Variants in KCNQ1OT1 observed in about 807,000 individuals in gnomAD.
The protein encoded by KCNQ1OT1 is KCNQ1 antisense RNA 2 (non-protein coding).
At chr11:2,641,405 A>T (rs1240993694) in exon 1 of KCNQ1OT1, 10 of 396,548 alleles carry the variant, frequency 2.5e-5, no homozygotes, top group Admixed American at 8.9e-5. Context: ...TTTTTTTTTT[A>T]AATATACCTG....
rs1850261996 is a variant in KCNQ1OT1, at chr11:2,674,803, A to AT, written n.25191_25192insA. 2.5e-6 allele frequency: 1 copy of AT among 396,158 alleles called. No homozygotes were observed. The highest frequency in any genetic ancestry group is 4.5e-5 in the Admixed American group (1 of 22,408). 24.5% of individuals were successfully genotyped at this position (396,158 alleles called of 1,614,324 possible). ...ACTCTCGCCAACTGCTGGCCTTTGG[A>AT]AAGGCTTGTCACCCTAATAGCTGTT... is the stretch of plus-strand genomic sequence containing the variant. On this transcript the variant is annotated non_coding_transcript_exon_variant, in exon 1 of 1. Transcript: ENST00000597346. This position sits in a 1 kb window ranked among gnomAD's most constrained non-coding sequence, Gnocchi z 5.9.
chr11:2,621,176 C>T lies in KCNQ1OT1; in HGVS notation n.78819G>A. 2.5e-6 allele frequency: 1 copy of T among 397,430 alleles called. No homozygotes were observed. The allele number at this position is 397,430 out of a possible 1,614,324, so 24.6% of individuals were successfully genotyped here. On this transcript the variant is annotated non_coding_transcript_exon_variant, in exon 1 of 1. Coordinates refer to ENST00000597346, the Ensembl canonical transcript of KCNQ1OT1. This position sits in a 1 kb window ranked among gnomAD's most constrained non-coding sequence, Gnocchi z 5.7. ...TGTTTTTAGTAGAGACGGGGTTTCA[C>T]CATGTTGGCCAGGATGGTCTCGAAT...
In KCNQ1OT1 at chr11:2,677,443, G is replaced by A; in HGVS notation, n.22552C>T. ...GACAGCAGGGGAGATGATAATTGAT[G>A]CAGGTGGCCTCTTGGTCAAGCAGTG... On this transcript the variant is annotated non_coding_transcript_exon_variant, in exon 1 of 1. Transcript: ENST00000597346. This position sits in a 1 kb window ranked among gnomAD's most constrained non-coding sequence, Gnocchi z 4.5. The A allele has an allele frequency of 2.5e-6, 1 of 398,532 alleles. No individual in the cohort carries two copies. Among genetic ancestry groups the A allele is most frequent in the Non-Finnish European group, 4.4e-6 (1 of 226,038 alleles). The allele number at this position is 398,532 out of a possible 1,614,324, so 24.7% of individuals were successfully genotyped here.
exon 1 of KCNQ1OT1, chr11:2,693,589 A>T: frequency 2.5e-6 from 1 of 398,648 alleles, no homozygotes; most frequent in Non-Finnish European, 4.4e-6. Context: ...TCCATAAATG[A>T]GGCCACATTT....
In KCNQ1OT1 at chr11:2,651,785, G is replaced by A. The variant is rs1203710617; in HGVS notation, n.48210C>T. The A allele has an allele frequency of 2.8e-5, 11 of 398,434 alleles. No individual in the cohort carries two copies. The highest frequency in any genetic ancestry group is 4.0e-5 in the Non-Finnish European group (9 of 226,080). 24.7% of individuals were successfully genotyped at this position (398,434 alleles called of 1,614,324 possible). On this transcript the variant is annotated non_coding_transcript_exon_variant, in exon 1 of 1. Coordinates refer to ENST00000597346, the Ensembl canonical transcript of KCNQ1OT1. The surrounding 1 kb of genome is among the most constrained non-coding windows in gnomAD (Gnocchi z 6.1). ...TCAAGTGTTGACCATTTTGATTCCT[G>A]GGCCCCTTAAGAGTCCATTAGCATT...
chr11:2,616,437 T>C (rs1325632530), exon 1 of KCNQ1OT1: 2 of 397,892 alleles, frequency 5.0e-6, no homozygotes, highest in Non-Finnish European at 8.9e-6. Flanking sequence ...CTTTTAACTT[T>C]AGGTTTACTT....
rs529215467 is a variant in KCNQ1OT1 at position 2,659,368 on chromosome 11, C to A, written n.40627G>T. On this transcript the variant is annotated non_coding_transcript_exon_variant, in exon 1 of 1. Transcript: ENST00000597346. The surrounding 1 kb of genome is among the most constrained non-coding windows in gnomAD (Gnocchi z 4.3). ...GGATCCTATAATATGTATTCTTTTG[C>A]ATCTGGCTTCTTTCACTGCTTAGCA... 8.0e-5 allele frequency: 32 copies of A among 398,616 alleles called. No homozygotes were observed. The highest frequency in any genetic ancestry group is 5.5e-4 in the African/African-American group (27 of 48,768). The allele number at this position is 398,616 out of a possible 1,614,324, so 24.7% of individuals were successfully genotyped here.
At chr11:2,684,321 C>T in exon 1 of KCNQ1OT1, 2 of 398,634 alleles carry the variant, frequency 5.0e-6, no homozygotes, top group Non-Finnish European at 8.8e-6. Flanking sequence ...CAGTCTCTCT[C>T]CTGAGGTGGC....
In KCNQ1OT1 at chr11:2,659,142, CTT is replaced by C. The variant is rs1195402516; in HGVS notation, n.40851_40852del. Reference sequence around the variant, plus strand: ...AAATTTGCATACAGTAAAATCCACTCTTTGAGATTCAGTTCTGTGGGTTTTGA... The same window carrying C: ...AAATTTGCATACAGTAAAATCCACTCTGAGATTCAGTTCTGTGGGTTTTGA... On this transcript the variant is annotated non_coding_transcript_exon_variant, in exon 1 of 1. Transcript: ENST00000597346. The surrounding 1 kb of genome is among the most constrained non-coding windows in gnomAD (Gnocchi z 4.3). The C allele has an allele frequency of 2.5e-6, 1 of 398,616 alleles. No homozygotes were observed. The highest frequency in any genetic ancestry group is 4.4e-6 in the Non-Finnish European group (1 of 226,064). 24.7% of individuals were successfully genotyped at this position (398,616 alleles called of 1,614,324 possible).
exon 1 of KCNQ1OT1, chr11:2,629,641 A>G: frequency 2.5e-6 from 1 of 398,520 alleles, no homozygotes. Flanking sequence ...ATGCGTTCAT[A>G]TATGAAAGGA....
chr11:2,681,503 A>C, exon 1 of KCNQ1OT1: 1 of 398,508 alleles, frequency 2.5e-6, no homozygotes, highest in East Asian at 3.6e-5. Context: ...TAGTAAAGTC[A>C]AACTGGTCCA....
chr11:2,675,450 G>GA (rs1850276876), exon 1 of KCNQ1OT1: 1 of 398,482 alleles, frequency 2.5e-6, no homozygotes, highest in African/African-American at 2.1e-5. Context: ...AAGATGATCT[G>GA]AAAATGGAAA....
exon 1 of KCNQ1OT1, chr11:2,660,125 G>A (rs1321831022): frequency 2.5e-6 from 1 of 398,200 alleles, no homozygotes; most frequent in Non-Finnish European, 4.4e-6. Flanking sequence ...CCAAATCCAA[G>A]GTCCTGGAGA....
chr11:2,640,601 G>A (rs1029855296), exon 1 of KCNQ1OT1: 3 of 396,148 alleles, frequency 7.6e-6, no homozygotes, highest in Non-Finnish European at 8.9e-6. Flanking sequence ...ATACTTATGG[G>A]GTACATGTGC....
In KCNQ1OT1 at chr11:2,612,040, A is replaced by C. The variant is rs1007490096; in HGVS notation, n.87955T>G. The C allele has an allele frequency of 1.5e-5, 6 of 398,476 alleles. No homozygotes were observed. The highest frequency in any genetic ancestry group is 2.2e-5 in the Non-Finnish European group (5 of 226,064). 24.7% of individuals were successfully genotyped at this position (398,476 alleles called of 1,614,324 possible). ...AATTCCACATATGTTTTCTACTCTT[A>C]ATTACATATATGTTACAACTTAATT... On this transcript the variant is annotated non_coding_transcript_exon_variant, in exon 1 of 1. Coordinates refer to ENST00000597346, the Ensembl canonical transcript of KCNQ1OT1. The surrounding 1 kb of genome is among the most constrained non-coding windows in gnomAD (Gnocchi z 5.5).
rs1251777318 is a variant in KCNQ1OT1, at chr11:2,621,815, C to G, written n.78180G>C. The stretch of plus-strand genomic sequence containing the variant: ...TTTTTCAAAAATCAATTCTTTGTTT[C>G]AAAAATTGAAGTCTTAGTTTTACTG... On this transcript the variant is annotated non_coding_transcript_exon_variant, in exon 1 of 1. Coordinates refer to ENST00000597346, the Ensembl canonical transcript of KCNQ1OT1. This position sits in a 1 kb window ranked among gnomAD's most constrained non-coding sequence, Gnocchi z 5.7. 2.5e-6 allele frequency: 1 copy of G among 398,118 alleles called. No individual in the cohort carries two copies. The highest frequency in any genetic ancestry group is 3.6e-5 in the East Asian group (1 of 28,006). 24.7% of individuals were successfully genotyped at this position (398,118 alleles called of 1,614,324 possible).
In KCNQ1OT1 at chr11:2,691,189, A is replaced by C; in HGVS notation, n.8806T>G. On this transcript the variant is annotated non_coding_transcript_exon_variant, in exon 1 of 1. Transcript: ENST00000597346. The surrounding 1 kb of genome is among the most constrained non-coding windows in gnomAD (Gnocchi z 6.4). ...GCCTTGGGAGGGGTGCTCAGAGCTC[A>C]GCTGTGTTTAAAAATTAGCAAGTGG... 1 of 398,676 alleles carries C rather than the reference A, an allele frequency of 2.5e-6. No homozygotes were observed. The allele number at this position is 398,676 out of a possible 1,614,324, so 24.7% of individuals were successfully genotyped here.
Position 2,611,637 on chromosome 11 carries a change from A to G in KCNQ1OT1, n.88358T>C, listed in dbSNP as rs1328521535. On this transcript the variant is annotated non_coding_transcript_exon_variant, in exon 1 of 1. Coordinates refer to ENST00000597346, the Ensembl canonical transcript of KCNQ1OT1. The surrounding 1 kb of genome is among the most constrained non-coding windows in gnomAD (Gnocchi z 5.3). ...AATGTGACTCTTATAGACCATATAT[A>G]TTTGGATCCTGCTTTTAAGGCAGTC... is the stretch of plus-strand genomic sequence containing the variant. 1.0e-5 allele frequency: 4 copies of G among 398,454 alleles called. No homozygotes were observed. The highest frequency in any genetic ancestry group is 4.4e-5 in the Admixed American group (1 of 22,714). 24.7% of individuals were successfully genotyped at this position (398,454 alleles called of 1,614,324 possible).
At chr11:2,631,270 A>G (rs1278486716) in exon 1 of KCNQ1OT1, 1 of 398,272 alleles carries the variant, frequency 2.5e-6, no homozygotes, top group Non-Finnish European at 4.4e-6. Flanking sequence ...TTCCCTTGTT[A>G]CCTTTTCATT....
Sources: allele counts gnomAD v4.1 joint callset, GRCh38; gene constraint gnomAD v4.1.1; non-coding constraint Gnocchi (gnomAD v3.1); transcripts MANE v1.5; gene names NCBI Gene and HGNC (gene_info 2026-07-23, HGNC 2026-07-21).